RASSF4: variants seen among roughly 807,000 people sequenced by gnomAD.
The protein encoded by RASSF4 is ras association domain-containing protein 4.
RASSF4 carries 38 observed loss-of-function variants against 41.1 expected under a neutral mutation model. The ratio of observed to expected loss-of-function variants is 0.92; its 90% confidence interval spans 0.71 to 1.21. The LOEUF is 1.21. Among genes scored for constraint, RASSF4 ranks in the 50% most tolerant of loss-of-function variants. RASSF4 has a pLI of 0.00. For synonymous variants in RASSF4, 179 were observed against 163.4 expected (o/e 1.10, Z -0.73); for missense variants, 414 against 419.4 (o/e 0.99, Z 0.11).
chr10:44,971,827 C>T lies in RASSF4; in HGVS notation c.117C>T (p.Ser39=). 1.9e-6 allele frequency: 3 copies of T among 1,611,930 alleles called. No individual in the cohort carries two copies. The highest frequency in any genetic ancestry group is 2.5e-6 in the Non-Finnish European group (3 of 1,178,286). The stretch of plus-strand genomic sequence containing the variant: ...ACAACTGCTACCATGAGGGCAAGAG[C>T]TTCCAGCTGAGACACCGTGAGGTGA... ...KTYNCYHEGK[S]FQLRHREEEG... Residue 39 remains serine, a synonymous_variant, in exon 3 of 11, where the codon AGC becomes AGT. Coordinates refer to ENST00000340258, the MANE Select transcript of RASSF4 (RefSeq NM_032023.4).
chr10:44,989,151 A>T (rs1399182300), intron 6 of RASSF4, 123 bp from the exon 7 acceptor site: 2 of 635,752 alleles, frequency 3.1e-6, no homozygotes. Flanking sequence ...ATCAGCGTGA[A>T]TGGACAGGTG....
intron 1 of RASSF4, among the ~76,000 whole-genome samples, chr10:44,966,945 A>C (rs1046033413): frequency 6.6e-6 from 1 of 152,208 alleles, no homozygotes; most frequent in African/African-American, 2.4e-5. Flanking sequence ...CTGTCTCACC[A>C]CTAGGTGTAT....
At chr10:44,986,322 G>A (rs1254803643) in intron 6 of RASSF4, among the ~76,000 whole-genome samples, 1 of 152,172 alleles carries the variant, frequency 6.6e-6, no homozygotes, top group Non-Finnish European at 1.5e-5. Context: ...TTATTGTAGT[G>A]ATTGCCAGTG....
chr10:44,983,923 G>A lies in RASSF4; in HGVS notation c.282-99G>A, dbSNP rs560630206. The A allele has an allele frequency of 3.8e-5, 58 of 1,544,694 alleles. 1 individual carries two copies. In the Middle Eastern group the frequency reaches 6.9e-4, roughly 18 times the overall value. ...CTCACCTCAGCCTGCCTTGCTTCCC[G>A]CCTGTGTCCTACCCCAGGGGCTGCT... On this transcript the variant is annotated intron_variant, in intron 4 of 10. Transcript: ENST00000340258.
intron 2 of RASSF4, chr10:44,971,481 C>T: frequency 3.3e-6 from 2 of 597,620 alleles, no homozygotes; most frequent in Non-Finnish European, 3.1e-6. Flanking sequence ...CAGGGCCTTA[C>T]CTGTGATAGT....
chr10:44,991,586 G>A (rs1588850792), intron 9 of RASSF4, among the ~76,000 whole-genome samples: 1 of 152,218 alleles, frequency 6.6e-6, no homozygotes, highest in Admixed American at 6.5e-5. Context: ...TCCATTGTTA[G>A]AAACAATGGT....
chr10:44,969,279 C>T (rs191361238), intron 1 of RASSF4, among the ~76,000 whole-genome samples: 4 of 152,058 alleles, frequency 2.6e-5, no homozygotes, highest in Admixed American at 2.0e-4. Flanking sequence ...ATTTACTGTC[C>T]GTGAAAGAAA....
At chr10:44,973,351 G>C (rs918852846) in intron 3 of RASSF4, among the ~76,000 whole-genome samples, 3 of 152,194 alleles carry the variant, frequency 2.0e-5, no homozygotes, top group Admixed American at 6.5e-5. Context: ...CTGGGTAGAG[G>C]GAGGCATTGG....
intron 2 of RASSF4, 21 bp from the exon 3 acceptor site, chr10:44,971,751 AT>A (rs1841178200): frequency 1.3e-6 from 2 of 1,596,600 alleles, no homozygotes; most frequent in East Asian, 4.5e-5. Context: ...CTAGGAGTAC[AT>A]GTGTGTCTTT....
At chr10:44,966,477 C>A (rs1325919326) in intron 1 of RASSF4, among the ~76,000 whole-genome samples, 3 of 152,152 alleles carry the variant, frequency 2.0e-5, no homozygotes, top group Admixed American at 6.5e-5. Flanking sequence ...GAATTCCTTC[C>A]CATATGAGTC....
chr10:44,984,449 C>A, intron 5 of RASSF4: 1 of 491,796 alleles, frequency 2.0e-6, no homozygotes. Flanking sequence ...CTCGTCCTCA[C>A]CCTCTGTACC....
At chr10:44,975,033 G>T (rs896477515) in intron 3 of RASSF4, among the ~76,000 whole-genome samples, 1 of 152,120 alleles carries the variant, frequency 6.6e-6, no homozygotes, top group African/African-American at 2.4e-5. Flanking sequence ...GGACAAGCAA[G>T]TGAGCCCCAG....
intron 1 of RASSF4, among the ~76,000 whole-genome samples, chr10:44,961,808 C>A (rs1427355241): frequency 6.6e-6 from 1 of 152,218 alleles, no homozygotes; most frequent in East Asian, 1.9e-4. Context: ...GAGCTTTAAA[C>A]CCAGAGCCTT....
intron 1 of RASSF4, among the ~76,000 whole-genome samples, chr10:44,965,576 C>G (rs1840870002): frequency 6.6e-6 from 1 of 152,236 alleles, no homozygotes; most frequent in Non-Finnish European, 1.5e-5. Context: ...AAATGTGTGC[C>G]TCTCTCAAAG....
At chr10:44,990,809 A>T in intron 8 of RASSF4, 139 bp from the exon 9 acceptor site, 1 of 750,050 alleles carries the variant, frequency 1.3e-6, no homozygotes, top group Non-Finnish European at 2.1e-6. Context: ...GGAATCTCTC[A>T]GGGCAGCGCT....
intron 4 of RASSF4, chr10:44,982,949 G>A (rs1841778184): frequency 4.5e-6 from 3 of 665,814 alleles, no homozygotes; most frequent in Middle Eastern, 2.4e-4. Context: ...AGCCAGGGGG[G>A]CTCCCAACAC....
At chr10:44,984,230 T>C (rs1588837915) in intron 5 of RASSF4, 117 bp downstream of exon 5, 1 of 1,016,886 alleles carries the variant, frequency 9.8e-7, no homozygotes, top group Non-Finnish European at 1.4e-6. Flanking sequence ...AACGAGGGGC[T>C]TCACCTGCTG....
intron 3 of RASSF4, among the ~76,000 whole-genome samples, chr10:44,979,874 G>A (rs866465848): frequency 6.6e-4 from 100 of 152,114 alleles, no homozygotes; most frequent in African/African-American, 2.1e-3. Context: ...GGCTGGGGCT[G>A]GGGCTGGGGG....
Position 44,991,979 on chromosome 10 carries a change from A to C in RASSF4, c.882A>C (p.Arg294Ser), listed in dbSNP as rs1456797375. Residue 294 changes from arginine (R) to serine (S), a missense_variant, in exon 10 of 11, where the codon AGA becomes AGC. Arg to Ser is a moderately radical substitution (Grantham distance 110, BLOSUM62 -1). Coordinates refer to ENST00000340258, the MANE Select transcript of RASSF4 (RefSeq NM_032023.4). The part of the protein sequence containing the change: ...FVEKLKEEEE[R>S]EIIKLTMKFQ... ...AAAAATTAAAAGAAGAGGAAGAAAG[A>C]GAAATAATCAAACTGACCATGAAGT... 2 of 1,610,978 alleles carry C rather than the reference A, an allele frequency of 1.2e-6. No homozygotes were observed. Among genetic ancestry groups the C allele is most frequent in the Non-Finnish European group, 1.7e-6 (2 of 1,177,198 alleles).
Sources: allele counts gnomAD v4.1 joint callset (sites outside exome capture counted in the v4.1 genomes callset), GRCh38; gene constraint gnomAD v4.1.1; transcripts MANE v1.5; gene names NCBI Gene and HGNC (gene_info 2026-07-23, HGNC 2026-07-21).